Variants in RPS6KA2 observed in about 807,000 individuals in gnomAD.
RPS6KA2 encodes ribosomal protein S6 kinase alpha-2.
In RPS6KA2, 42 loss-of-function variants were observed where a neutral mutation model predicts 91.8. That is an observed-to-expected ratio of 0.46 (90% CI 0.36 to 0.59). The LOEUF (loss-of-function observed/expected upper bound fraction) is 0.59, where lower values mean the gene tolerates loss of function less well. Ranked by LOEUF, RPS6KA2 falls within the 20% of genes least tolerant of loss-of-function variation. The probability of loss-of-function intolerance (pLI) is 0.00; values close to 1 mark genes in which losing one functional copy is unlikely to be tolerated. For synonymous variants in RPS6KA2, 414 were observed against 393.6 expected, an observed-to-expected ratio of 1.05 and a Z score of -0.61; for missense variants, 798 against 978.5, an observed-to-expected ratio of 0.82 and a Z score of 2.46.
Position 166,494,271 on chromosome 6 carries a change from C to T in RPS6KA2, c.748-3530G>A, listed in dbSNP as rs1331968440. On this transcript the variant is annotated intron_variant, in intron 8 of 20. Transcript: ENST00000265678. This position sits in a 1 kb window ranked among gnomAD's most constrained non-coding sequence, Gnocchi z 5.1. The stretch of plus-strand genomic sequence containing the variant: ...ATCCGAGCTGCTCTCGCTCCGTGTG[C>T]TGCACCCCACTCCGAGTGCCAAGAA... Among the ~76,000 whole-genome samples, 5 of 152,126 alleles carry T rather than the reference C, an allele frequency of 3.3e-5. No homozygotes were observed. Among genetic ancestry groups the T allele is most frequent in the Admixed American group, 6.5e-5 (1 of 15,274 alleles).
chr6:166,417,190 A>G (rs1225225761), intron 19 of RPS6KA2, among the ~76,000 whole-genome samples: 1 of 152,234 alleles, frequency 6.6e-6, no homozygotes, highest in Non-Finnish European at 1.5e-5. Flanking sequence ...TTACAAGAAC[A>G]GAAGTATACC....
At chr6:166,458,530 C>T (rs993723561) in intron 12 of RPS6KA2, among the ~76,000 whole-genome samples, 1 of 152,162 alleles carries the variant, frequency 6.6e-6, no homozygotes. Context: ...TAATACAGGC[C>T]TTTAAGAGAA....
chr6:166,862,375 C>A, exon 1 of RPS6KA2: 1 of 1,406,692 alleles, frequency 7.1e-7, no homozygotes, highest in South Asian at 1.4e-5. Context: ...AGGAGGGACC[C>A]GGGGGGCTGC....
In RPS6KA2 at chr6:166,494,822, CAT is replaced by C. The variant is rs779142526; in HGVS notation, c.747+3684_747+3685del. 1.1e-4 allele frequency among the ~76,000 whole-genome samples: 17 copies of C among 152,340 alleles called. No individual in the cohort carries two copies. Among genetic ancestry groups the C allele is most frequent in the East Asian group, 1.9e-4 (1 of 5,186 alleles). On this transcript the variant is annotated intron_variant, in intron 8 of 20. Transcript: ENST00000265678. The surrounding 1 kb of genome is among the most constrained non-coding windows in gnomAD (Gnocchi z 5.1). ...TCCAGGGGACGGACGGCCACCCACACATGAGGACCACTCCCTCAGCACGCGGC... is the reference window on the plus strand; with the variant it reads ...TCCAGGGGACGGACGGCCACCCACACGAGGACCACTCCCTCAGCACGCGGC...
intron 3 of RPS6KA2, among the ~76,000 whole-genome samples, chr6:166,522,028 C>G (rs905810640): frequency 1.3e-5 from 2 of 152,146 alleles, no homozygotes; most frequent in Non-Finnish European, 2.9e-5. Context: ...ATGAACCAGA[C>G]AGCAGCCCTC....
intron 1 of RPS6KA2, among the ~76,000 whole-genome samples, chr6:166,551,772 G>A (rs979659507): frequency 2.0e-5 from 3 of 152,168 alleles, no homozygotes; most frequent in Admixed American, 6.5e-5. Flanking sequence ...CCATCCCTGA[G>A]CCTGCAGAAT....
chr6:166,653,391 C>A (rs1787919168), intron 2 of RPS6KA2, among the ~76,000 whole-genome samples: 1 of 152,210 alleles, frequency 6.6e-6, no homozygotes, highest in East Asian at 1.9e-4. Flanking sequence ...GTGAATAATT[C>A]CCATCGACTT....
At chr6:166,646,792 G>T (rs1787617641) in intron 2 of RPS6KA2, among the ~76,000 whole-genome samples, 1 of 152,214 alleles carries the variant, frequency 6.6e-6, no homozygotes, top group Non-Finnish European at 1.5e-5. Flanking sequence ...TCTCCTTTGA[G>T]ATCTCAGAGG....
chr6:166,815,810 G>A (rs1779745955), intron 2 of RPS6KA2, among the ~76,000 whole-genome samples: 1 of 152,202 alleles, frequency 6.6e-6, no homozygotes, highest in Admixed American at 6.5e-5. Flanking sequence ...GGAGAGGAGA[G>A]TTTCAGTACC....
upstream of RPS6KA2, among the ~76,000 whole-genome samples, chr6:166,631,164 A>T (rs77265358): frequency 0.021 from 3,212 of 152,358 alleles, 116 homozygotes; most frequent in African/African-American, 0.073. Flanking sequence ...GAAAATTTAA[A>T]AAGAAAGTCT....
In RPS6KA2 at chr6:166,534,354, C is replaced by T. The variant is rs147602010; in HGVS notation, c.217-3041G>A. Among the ~76,000 whole-genome samples, 155 of 151,994 alleles carry T rather than the reference C, an allele frequency of 1.0e-3. 1 individual carries two copies. The highest frequency in any genetic ancestry group is 3.6e-3 in the African/African-American group (150 of 41,422). On this transcript the variant is annotated intron_variant, in intron 2 of 20. Coordinates refer to ENST00000265678, the MANE Select transcript of RPS6KA2 (RefSeq NM_021135.6). ...AGGATCGCTTGAGCCCAGGAGTTTG[C>T]AAACAACAAGCTCCCTCTTTCAAAA...
At chr6:166,565,022 C>G (rs771974091) in intron 1 of RPS6KA2, among the ~76,000 whole-genome samples, 2 of 152,180 alleles carry the variant, frequency 1.3e-5, no homozygotes. Flanking sequence ...CATTCAGAGT[C>G]TACAGCCAGG....
chr6:166,578,675 C>T (rs536756229), intron 1 of RPS6KA2, among the ~76,000 whole-genome samples: 24 of 152,332 alleles, frequency 1.6e-4, no homozygotes, highest in African/African-American at 5.8e-4. Context: ...TAAACCTGAT[C>T]CTCAGGTGAC....
intron 2 of RPS6KA2, among the ~76,000 whole-genome samples, chr6:166,810,581 C>T (rs1779605710): frequency 1.3e-5 from 2 of 152,294 alleles, no homozygotes; most frequent in Admixed American, 6.5e-5. Context: ...ATGGCATCAC[C>T]TCCTATGATC....
intron 10 of RPS6KA2, among the ~76,000 whole-genome samples, chr6:166,474,308 G>C (rs902913135): frequency 1.3e-5 from 2 of 152,220 alleles, no homozygotes; most frequent in South Asian, 4.1e-4. Flanking sequence ...ACAGTAACAA[G>C]AGCAACGGAA....
chr6:166,451,233 T>C lies in RPS6KA2; in HGVS notation c.1076A>G (p.Asp359Gly), dbSNP rs1241691757. The change falls in exon 13 of 21, where the codon GAC becomes GGC. Residue 359 changes from aspartate to glycine, a missense_variant and splice_region_variant. Transcript: ENST00000265678. ...TGCACTCGGGGGGACGCCAGGAGAG[T>C]CTGTAGGTGACAGGGGCAGAGTTCA... Reference protein sequence around the residue: ...DPEFTARTPTDSPGVPPSANA... With the variant: ...DPEFTARTPTGSPGVPPSANA... 6.2e-7 allele frequency: 1 copy of C among 1,612,952 alleles called. No homozygotes were observed. Among genetic ancestry groups the C allele is most frequent in the Non-Finnish European group, 8.5e-7 (1 of 1,179,704 alleles).
chr6:166,535,331 T>C (rs993718418), intron 2 of RPS6KA2, among the ~76,000 whole-genome samples: 16 of 152,124 alleles, frequency 1.1e-4, no homozygotes, highest in African/African-American at 3.6e-4. Flanking sequence ...GGCTGCAAAA[T>C]CCTTCAAGCA....
intron 6 of RPS6KA2, 144 bp from the exon 7 acceptor site, chr6:166,501,068 C>T (rs995746915): frequency 7.0e-5 from 47 of 672,188 alleles, no homozygotes; most frequent in Admixed American, 1.3e-4. Context: ...GAGATCCCCA[C>T]GGCTTGTGCG....
intron 2 of RPS6KA2, among the ~76,000 whole-genome samples, chr6:166,809,315 G>A (rs992553718): frequency 3.9e-5 from 6 of 152,090 alleles, no homozygotes; most frequent in African/African-American, 1.2e-4. Flanking sequence ...ATGTTTAAAC[G>A]AAAATATCTC....
Sources: allele counts gnomAD v4.1 joint callset (sites outside exome capture counted in the v4.1 genomes callset), GRCh38; gene constraint gnomAD v4.1.1; non-coding constraint Gnocchi (gnomAD v3.1); transcripts MANE v1.5; gene names NCBI Gene and HGNC (gene_info 2026-07-23, HGNC 2026-07-21).